ADAM9: variants seen among roughly 807,000 people sequenced by gnomAD.
ADAM9 encodes the protein ADAM metallopeptidase domain 9, also known as disintegrin and metalloproteinase domain-containing protein 9.
A neutral mutation model predicts 108.1 loss-of-function variants in ADAM9; 54 were observed. That is an observed-to-expected ratio of 0.50 (90% CI 0.40 to 0.63). ADAM9 has a LOEUF of 0.63. Among genes scored for constraint, ADAM9 ranks in the 20% least tolerant of loss-of-function variants. The pLI is 0.00. For synonymous variants in ADAM9, 316 were observed against 336.0 expected, an observed-to-expected ratio of 0.94 and a Z score of 0.65; for missense variants, 830 against 997.7, an observed-to-expected ratio of 0.83 and a Z score of 2.26.
At chr8:39,020,984 G>A (rs888725174) in intron 7 of ADAM9, among the ~76,000 whole-genome samples, 16 of 152,044 alleles carry the variant, frequency 1.1e-4, no homozygotes, top group African/African-American at 3.4e-4. Flanking sequence ...TTTTATCTAT[G>A]CATTTTGATT....
chr8:39,031,390 G>A (rs1267520469), intron 11 of ADAM9, among the ~76,000 whole-genome samples: 1 of 151,944 alleles, frequency 6.6e-6, no homozygotes, highest in Non-Finnish European at 1.5e-5. Context: ...ACTCTTTTTG[G>A]GCTCTCTATC....
intron 12 of ADAM9, among the ~76,000 whole-genome samples, chr8:39,046,163 GT>G (rs1365567709): frequency 1.3e-5 from 2 of 152,084 alleles, no homozygotes; most frequent in East Asian, 3.9e-4. Flanking sequence ...TGTTTTGTAA[GT>G]TTTTAGTGTG....
chr8:39,030,158 G>C (rs1837054056), intron 11 of ADAM9, among the ~76,000 whole-genome samples: 1 of 152,078 alleles, frequency 6.6e-6, no homozygotes. Flanking sequence ...TGCATTCTAT[G>C]GGTATGAACA....
At chr8:39,056,385 T>C (rs1838124967) in intron 14 of ADAM9, among the ~76,000 whole-genome samples, 1 of 150,468 alleles carries the variant, frequency 6.6e-6, no homozygotes, top group Admixed American at 6.7e-5. Context: ...GCTAGGTTTT[T>C]AGATAATCTC....
intron 14 of ADAM9, among the ~76,000 whole-genome samples, chr8:39,070,612 G>A (rs529112413): frequency 8.0e-4 from 121 of 152,146 alleles, no homozygotes; most frequent in African/African-American, 2.8e-3. Context: ...ACAAAAATTA[G>A]CCAAGCATGG....
At chr8:39,062,776 G>A (rs1204047715) in intron 14 of ADAM9, among the ~76,000 whole-genome samples, 1 of 152,102 alleles carries the variant, frequency 6.6e-6, no homozygotes, top group African/African-American at 2.4e-5. Flanking sequence ...AGGATGCTAG[G>A]CCTCCCCTTA....
At chr8:39,044,986 A>ATG (rs1370825956) in intron 12 of ADAM9, among the ~76,000 whole-genome samples, 2 of 148,824 alleles carry the variant, frequency 1.3e-5, no homozygotes, top group East Asian at 2.0e-4. Flanking sequence ...ATGTATGTGT[A>ATG]TATGTGTGTG....
At chr8:39,010,458 G>A (rs369213137) in intron 2 of ADAM9, among the ~76,000 whole-genome samples, 10 of 152,308 alleles carry the variant, frequency 6.6e-5, no homozygotes, top group Middle Eastern at 3.4e-3. Flanking sequence ...CAGATGTGCC[G>A]TGGTGAAGGG....
rs558893589 is a variant in ADAM9, at chr8:39,058,603, G to A, written c.1591+2831G>A. Among the ~76,000 whole-genome samples, 8 of 152,074 alleles carry A rather than the reference G, an allele frequency of 5.3e-5. No individual in the cohort carries two copies. The East Asian group carries it at 5.8e-4, about 11-fold the overall frequency. On this transcript the variant is annotated intron_variant, in intron 14 of 21. Transcript: ENST00000487273. ...TAGGCCAGTTTCCCTTTGGTGGTTCGGATCAGTAATTCTACCTGGCATAGA... is the reference window on the plus strand; with the variant it reads ...TAGGCCAGTTTCCCTTTGGTGGTTCAGATCAGTAATTCTACCTGGCATAGA...
chr8:39,031,643 A>G (rs1298806651), intron 11 of ADAM9, among the ~76,000 whole-genome samples: 1 of 152,154 alleles, frequency 6.6e-6, no homozygotes, highest in Non-Finnish European at 1.5e-5. Flanking sequence ...TCTAAAGCCT[A>G]TTTCTGTCAG....
intron 12 of ADAM9, among the ~76,000 whole-genome samples, chr8:39,045,587 T>TATATATAA (rs1230398174): frequency 6.7e-6 from 1 of 148,830 alleles, no homozygotes; most frequent in African/African-American, 2.5e-5. Flanking sequence ...TATATATATA[T>TATATATAA]AAAAGATTTT....
chr8:39,060,901 G>A (rs192111412), intron 14 of ADAM9, among the ~76,000 whole-genome samples: 2 of 152,342 alleles, frequency 1.3e-5, no homozygotes, highest in East Asian at 1.9e-4. Flanking sequence ...ATGGGTATAG[G>A]TAAAGGTTTT....
chr8:39,032,079 C>T (rs78227456), intron 11 of ADAM9, among the ~76,000 whole-genome samples: 3,709 of 152,310 alleles, frequency 0.024, 173 homozygotes, highest in African/African-American at 0.085. Context: ...TGTGAGGTGT[C>T]ATTGGCCCCT....
At chr8:39,005,739 C>T (rs1836140688) in intron 1 of ADAM9, among the ~76,000 whole-genome samples, 1 of 152,196 alleles carries the variant, frequency 6.6e-6, no homozygotes, top group South Asian at 2.1e-4. Flanking sequence ...TTTTCCCTTT[C>T]CTGTCCTCCA....
At chr8:39,069,881 A>G (rs1177737201) in intron 14 of ADAM9, among the ~76,000 whole-genome samples, 3 of 151,986 alleles carry the variant, frequency 2.0e-5, no homozygotes, top group Admixed American at 2.0e-4. Flanking sequence ...TTTTTTGTGC[A>G]TATGAGTGTA....
At chr8:39,078,362 C>CAAA (rs56899480) in intron 16 of ADAM9, among the ~76,000 whole-genome samples, 53,864 of 131,582 alleles carry the variant, frequency 0.41, 11,136 homozygotes, top group East Asian at 0.69. Flanking sequence ...GACTCTGTCT[C>CAAA]AAAAAAAAAA....
At chr8:39,009,964 A>AACCC (rs1554572507) in intron 2 of ADAM9, among the ~76,000 whole-genome samples, 1 of 106,580 alleles carries the variant, frequency 9.4e-6, no homozygotes, top group Admixed American at 1.1e-4. Context: ...ACAAAAACAA[A>AACCC]CCCCCCCCCC....
intron 1 of ADAM9, among the ~76,000 whole-genome samples, chr8:38,998,042 A>G (rs1835879188): frequency 6.6e-6 from 1 of 152,224 alleles, no homozygotes; most frequent in Admixed American, 6.5e-5. Flanking sequence ...TTTGTATGAT[A>G]TAATTGTTTG....
chr8:39,064,142 G>C (rs1250764695), intron 14 of ADAM9, among the ~76,000 whole-genome samples: 4 of 152,156 alleles, frequency 2.6e-5, no homozygotes, highest in Non-Finnish European at 5.9e-5. Flanking sequence ...CCAGATCCTT[G>C]CTTCTTGTAA....
Sources: gnomAD v4.1 joint callset for allele counts (sites outside exome capture counted in the v4.1 genomes callset) on GRCh38, gnomAD v4.1.1 for gene constraint, MANE v1.5 for transcripts, NCBI Gene and HGNC (gene_info 2026-07-23, HGNC 2026-07-21) for gene names.